SDK1: variants seen among roughly 807,000 people sequenced by gnomAD.
SDK1 encodes sidekick cell adhesion molecule 1, also known as protein sidekick-1.
A neutral mutation model predicts 245.5 loss-of-function variants in SDK1; 157 were observed. The ratio of observed to expected loss-of-function variants is 0.64; its 90% CI spans 0.56 to 0.73. SDK1 has a LOEUF of 0.73. Ranked by LOEUF, SDK1 falls within the 30% of genes least tolerant of loss-of-function variation. The probability of loss-of-function intolerance (pLI) is 0.00; values close to 1 mark genes in which losing one functional copy is unlikely to be tolerated. For missense variants in SDK1, 3,583 were observed against 3,002.3 expected (o/e 1.19, Z -4.52); for synonymous variants, 1,647 against 1,278.5 (o/e 1.29, Z -6.15).
At chr7:3,836,605 T>C (rs138980577) in intron 5 of SDK1, among the ~76,000 whole-genome samples, 7 of 152,296 alleles carry the variant, frequency 4.6e-5, no homozygotes, top group African/African-American at 1.7e-4. Flanking sequence ...AGGCTAAGAT[T>C]CAGAAACATT....
chr7:3,577,514 C>T (rs1180013234), intron 1 of SDK1, among the ~76,000 whole-genome samples: 1 of 151,968 alleles, frequency 6.6e-6, no homozygotes, highest in Non-Finnish European at 1.5e-5. Flanking sequence ...CCTCTTTCTT[C>T]ATTGTTTGTG....
At chr7:3,609,947 C>T (rs1781540087) in intron 1 of SDK1, among the ~76,000 whole-genome samples, 1 of 152,000 alleles carries the variant, frequency 6.6e-6, no homozygotes, top group African/African-American at 2.4e-5. Context: ...GTGATCCGCC[C>T]ACCTCAGCCT....
intron 1 of SDK1, among the ~76,000 whole-genome samples, chr7:3,512,250 A>T (rs1417695487): frequency 2.0e-5 from 3 of 152,046 alleles, no homozygotes; most frequent in African/African-American, 7.2e-5. Flanking sequence ...TCACATAGTA[A>T]TATTTATTGT....
intron 25 of SDK1, among the ~76,000 whole-genome samples, chr7:4,116,528 G>A (rs547465670): frequency 6.6e-6 from 1 of 152,324 alleles, no homozygotes; most frequent in East Asian, 1.9e-4. Flanking sequence ...TTGGTGACAG[G>A]TCTGAACCTG....
At chr7:3,882,572 A>G (rs1781233562) in intron 5 of SDK1, among the ~76,000 whole-genome samples, 1 of 152,188 alleles carries the variant, frequency 6.6e-6, no homozygotes, top group African/African-American at 2.4e-5. Context: ...CTAGTCTGGG[A>G]TGAAATTTAC....
Position 4,082,664 on chromosome 7 carries a change from A to C in SDK1, c.3324+3080A>C, listed in dbSNP as rs151047106. 9.2e-5 allele frequency among the ~76,000 whole-genome samples: 14 copies of C among 152,260 alleles called. No individual in the cohort carries two copies. The East Asian group carries it at 2.7e-3, about 29-fold the overall frequency. ...GAGATAGAATCTCACTCTGTCACCC[A>C]GACAGGAGTGAAGTGGTATGATCTC... On this transcript the variant is annotated intron_variant, in intron 22 of 44. Coordinates refer to ENST00000404826, the MANE Select transcript of SDK1 (RefSeq NM_152744.4).
intron 33 of SDK1, among the ~76,000 whole-genome samples, chr7:4,175,333 G>A: frequency 6.6e-6 from 1 of 152,330 alleles, no homozygotes; most frequent in Admixed American, 6.5e-5. Context: ...CAGTAGAAGG[G>A]CCCCGGGATG....
intron 4 of SDK1, among the ~76,000 whole-genome samples, chr7:3,801,064 A>G (rs1482293171): frequency 1.3e-5 from 2 of 152,224 alleles, no homozygotes. Context: ...TTTTCCTAGT[A>G]TATTCCAAAG....
intron 1 of SDK1, among the ~76,000 whole-genome samples, chr7:3,586,514 C>A (rs541124684): frequency 1.3e-5 from 2 of 150,268 alleles, no homozygotes; most frequent in African/African-American, 4.9e-5. Flanking sequence ...TGGCTAACAC[C>A]GTGAAACCCT....
chr7:3,471,055 T>C (rs1378100661), intron 1 of SDK1, among the ~76,000 whole-genome samples: 1 of 152,190 alleles, frequency 6.6e-6, no homozygotes, highest in East Asian at 1.9e-4. Context: ...ATCTGGCAAT[T>C]ATTTTATCTG....
intron 5 of SDK1, among the ~76,000 whole-genome samples, chr7:3,880,068 C>T (rs985465328): frequency 6.6e-6 from 1 of 152,090 alleles, no homozygotes; most frequent in Non-Finnish European, 1.5e-5. Context: ...CCGCCTTAAT[C>T]CTGGATGCCA....
chr7:3,513,683 A>T (rs1368124625), intron 1 of SDK1, among the ~76,000 whole-genome samples: 2 of 152,192 alleles, frequency 1.3e-5, no homozygotes, highest in Non-Finnish European at 2.9e-5. Flanking sequence ...CAAATTTGTT[A>T]TGTGGGTCTG....
At chr7:3,640,121 A>G (rs1426503889) in intron 3 of SDK1, among the ~76,000 whole-genome samples, 2 of 152,104 alleles carry the variant, frequency 1.3e-5, no homozygotes, top group East Asian at 1.9e-4. Context: ...CCAGCCTTCC[A>G]AAGTGCTGGG....
At chr7:3,435,361 TG>T (rs1779991996) in intron 1 of SDK1, among the ~76,000 whole-genome samples, 1 of 129,312 alleles carries the variant, frequency 7.7e-6, no homozygotes, top group South Asian at 2.7e-4. Context: ...GACGGAGTCT[TG>T]CTTTGTTGCC....
At chr7:3,337,257 AATG>A (rs1780226166) in intron 1 of SDK1, among the ~76,000 whole-genome samples, 1 of 152,224 alleles carries the variant, frequency 6.6e-6, no homozygotes, top group Non-Finnish European at 1.5e-5. Context: ...ACTGAAAAAT[AATG>A]ATAGTTTAAA....
chr7:3,910,910 T>C (rs1779140364), intron 5 of SDK1, among the ~76,000 whole-genome samples: 1 of 152,162 alleles, frequency 6.6e-6, no homozygotes, highest in Non-Finnish European at 1.5e-5. Flanking sequence ...TGGAGCAGGG[T>C]GGGCCTCTTC....
chr7:3,741,175 A>G (rs1562409131), intron 4 of SDK1, among the ~76,000 whole-genome samples: 1 of 152,222 alleles, frequency 6.6e-6, no homozygotes, highest in Non-Finnish European at 1.5e-5. Flanking sequence ...GTGCTAAGAA[A>G]TATGTCAGAG....
intron 22 of SDK1, among the ~76,000 whole-genome samples, chr7:4,087,095 C>T (rs940296594): frequency 2.0e-5 from 3 of 150,966 alleles, no homozygotes; most frequent in African/African-American, 4.9e-5. Context: ...GTTTTTGAAT[C>T]ATAGGCAGAA....
intron 1 of SDK1, among the ~76,000 whole-genome samples, chr7:3,477,227 G>A (rs1481767282): frequency 2.1e-4 from 21 of 98,914 alleles, no homozygotes; most frequent in African/African-American, 8.0e-4. Flanking sequence ...CCAGAGTCTT[G>A]CTCTGTCGCT....
Sources: allele counts gnomAD v4.1 joint callset (sites outside exome capture counted in the v4.1 genomes callset), GRCh38; gene constraint gnomAD v4.1.1; transcripts MANE v1.5; gene names NCBI Gene and HGNC (gene_info 2026-07-23, HGNC 2026-07-21).